CLDN14: variants seen among roughly 807,000 people sequenced by gnomAD.
CLDN14 encodes the protein claudin-14.
A neutral mutation model predicts 2.1 loss-of-function variants in CLDN14; 2 were observed. The observed-to-expected ratio is 0.96, with a 90% CI of 0.39 to 3.01. The LOEUF (loss-of-function observed/expected upper bound fraction) is 3.01. Ranked by LOEUF, CLDN14 falls within the 30% of genes most tolerant of loss-of-function variation. The pLI, the probability that CLDN14 is intolerant of heterozygous loss-of-function variation, is 0.09. For synonymous variants in CLDN14, 136 were observed against 154.4 expected (o/e 0.88, Z 0.88); for missense variants, 298 against 328.0 (o/e 0.91, Z 0.71).
chr21:36,568,024 A>G (rs1316584767), intron 1 of CLDN14, among the ~76,000 whole-genome samples: 3 of 152,206 alleles, frequency 2.0e-5, no homozygotes, highest in African/African-American at 7.2e-5. Flanking sequence ...TGGAAGAGCA[A>G]GAGGTCTAGA....
At chr21:36,461,864 A>G in intron 1 of CLDN14, 88 bp from the exon 2 acceptor site, 3 of 874,378 alleles carry the variant, frequency 3.4e-6, no homozygotes, top group Non-Finnish European at 5.1e-6. Flanking sequence ...ACCGAAACCA[A>G]GTTTTTCATA....
At chr21:36,484,649 T>C (rs546278348), upstream of CLDN14, among the ~76,000 whole-genome samples, 2 of 152,274 alleles carry the variant, frequency 1.3e-5, no homozygotes, top group East Asian at 3.9e-4. Flanking sequence ...ATGTCTCTCC[T>C]CACACGTCGT....
At chr21:36,477,203 A>G (rs2850110) in intron 1 of CLDN14, among the ~76,000 whole-genome samples, 132,207 of 152,256 alleles carry the variant, frequency 0.87, 57,557 homozygotes, top group African/African-American at 0.9. Flanking sequence ...AACTGCACAG[A>G]TCATGTGCCT....
chr21:36,532,536 T>C (rs2087389781), intron 1 of CLDN14: 1 of 151,902 alleles, frequency 6.6e-6, no homozygotes, highest in South Asian at 2.1e-4. Context: ...ACATGGCACA[T>C]GTATAGATAC....
intron 1 of CLDN14, among the ~76,000 whole-genome samples, chr21:36,469,591 A>G (rs1249482948): frequency 6.6e-6 from 1 of 152,248 alleles, no homozygotes; most frequent in Non-Finnish European, 1.5e-5. Context: ...AGAAATAAAA[A>G]TCTATTTTTT....
chr21:36,486,696 C>T lies in CLDN14; in HGVS notation c.-82+23667G>A. On this transcript the variant is annotated intron_variant, in intron 2 of 2. Coordinates refer to the CLDN14 transcript ENST00000342108. ...CCCAAATTTATCATGTCAACATTTA[C>T]TTTCTCCTTCTTGAGGAATTTAGCC... 4 of 1,284,930 alleles carry T rather than the reference C, an allele frequency of 3.1e-6. No homozygotes were observed. In the East Asian group the frequency reaches 6.9e-5, roughly 22 times the overall value. 79.6% of individuals were successfully genotyped at this position (1,284,930 alleles called of 1,614,324 possible). A position where few individuals can be genotyped will look rare whatever the true frequency, so the allele number is the denominator to read the frequency against.
chr21:36,488,561 C>T (rs2086924014), intron 2 of CLDN14, among the ~76,000 whole-genome samples: 3 of 151,350 alleles, frequency 2.0e-5, no homozygotes, highest in South Asian at 4.2e-4. Context: ...TGAGCCACCG[C>T]GCCCGGCCTG....
At chr21:36,486,931 T>C in intron 2 of CLDN14, 1 of 575,926 alleles carries the variant, frequency 1.7e-6, no homozygotes. Flanking sequence ...TTCACAGTCA[T>C]TAGCCAGTGT....
At chr21:36,573,160 G>A (rs975272097) in intron 1 of CLDN14, among the ~76,000 whole-genome samples, 8 of 152,096 alleles carry the variant, frequency 5.3e-5, no homozygotes, top group African/African-American at 1.9e-4. Flanking sequence ...AATTAGCCAG[G>A]CGTGGTGGTG....
chr21:36,495,406 T>C (rs963449689), intron 2 of CLDN14, among the ~76,000 whole-genome samples: 4 of 152,246 alleles, frequency 2.6e-5, no homozygotes. Flanking sequence ...CTGAATTTTG[T>C]TTAATTGTCA....
chr21:36,464,562 C>T (rs767437551), intron 1 of CLDN14, among the ~76,000 whole-genome samples: 4 of 152,298 alleles, frequency 2.6e-5, no homozygotes, highest in Non-Finnish European at 4.4e-5. Context: ...AGAGAAGGAC[C>T]GGGGCCGGCT....
intron 1 of CLDN14, among the ~76,000 whole-genome samples, chr21:36,539,130 A>C (rs536382965): frequency 2.3e-4 from 35 of 152,390 alleles, no homozygotes; most frequent in African/African-American, 7.0e-4. Flanking sequence ...ATGAGCTTTC[A>C]GTCACATATT....
At chr21:36,467,865 G>A (rs984211575) in intron 1 of CLDN14, among the ~76,000 whole-genome samples, 2 of 152,200 alleles carry the variant, frequency 1.3e-5, no homozygotes, top group Admixed American at 6.5e-5. Flanking sequence ...CCAGATGGGA[G>A]GGGTGGAGGA....
intron 2 of CLDN14, among the ~76,000 whole-genome samples, chr21:36,509,344 G>A (rs2087164563): frequency 6.6e-6 from 1 of 152,216 alleles, no homozygotes; most frequent in Non-Finnish European, 1.5e-5. Context: ...GCTTTGGGCT[G>A]AATTAGGAGA....
intron 2 of CLDN14, among the ~76,000 whole-genome samples, chr21:36,503,785 AAC>A (rs780871612): frequency 2.6e-5 from 4 of 152,272 alleles, no homozygotes; most frequent in Non-Finnish European, 5.9e-5. Context: ...CATTACAATA[AAC>A]AGTTTTGAAT....
In CLDN14 at chr21:36,460,761, A is replaced by ATT. The variant is rs547523762; in HGVS notation, c.*213_*214dup. 116 of 530,164 alleles carry ATT rather than the reference A, an allele frequency of 2.2e-4. 1 individual carries two copies. Among genetic ancestry groups the ATT allele is most frequent in the African/African-American group, 2.1e-3 (110 of 52,104 alleles). 32.8% of individuals were successfully genotyped at this position (530,164 alleles called of 1,614,324 possible). On this transcript the variant is annotated 3_prime_UTR_variant, in exon 2 of 2. Transcript: ENST00000399135. This position sits in a 1 kb window ranked among gnomAD's most constrained non-coding sequence, Gnocchi z 4.0. The stretch of plus-strand genomic sequence containing the variant: ...TATAATAAATACAAAAACAGACAGG[A>ATT]TTTTTTTTTTCAGTCTTTGGTATAG...
At chr21:36,521,283 G>A (rs2087267766) in intron 1 of CLDN14, among the ~76,000 whole-genome samples, 2 of 152,264 alleles carry the variant, frequency 1.3e-5, no homozygotes, top group South Asian at 2.1e-4. Context: ...GAAGCATGAG[G>A]AAAGCACGTG....
chr21:36,573,300 C>CAAAAA (rs373406611), intron 1 of CLDN14, among the ~76,000 whole-genome samples: 2 of 109,134 alleles, frequency 1.8e-5, no homozygotes, highest in African/African-American at 8.1e-5. Context: ...GACTCTGTCT[C>CAAAAA]AAAAAAAAAA....
chr21:36,570,423 T>C (rs1381021260), intron 1 of CLDN14, among the ~76,000 whole-genome samples: 5 of 152,176 alleles, frequency 3.3e-5, no homozygotes, highest in Admixed American at 3.3e-4. Flanking sequence ...CTGAACTAGT[T>C]TTTTAGGTTG....
Sources: allele counts gnomAD v4.1 joint callset (sites outside exome capture counted in the v4.1 genomes callset), GRCh38; gene constraint gnomAD v4.1.1; non-coding constraint Gnocchi (gnomAD v3.1); transcripts MANE v1.5; gene names NCBI Gene and HGNC (gene_info 2026-07-23, HGNC 2026-07-21).